Variants in LRCH3 observed in about 807,000 individuals in gnomAD.
The protein encoded by LRCH3 is DISP complex protein LRCH3.
A neutral mutation model predicts 104.5 loss-of-function variants in LRCH3; 68 were observed. That is an observed-to-expected ratio of 0.65 (90% CI 0.54 to 0.80). The LOEUF (loss-of-function observed/expected upper bound fraction) is 0.80. LRCH3 is among the 30% of genes least tolerant of loss of function. The probability of loss-of-function intolerance (pLI) is 0.00; values close to 1 mark genes in which losing one functional copy is unlikely to be tolerated. For missense variants in LRCH3, 951 were observed against 953.9 expected (o/e 1.00, Z 0.04); for synonymous variants, 344 against 361.3 (o/e 0.95, Z 0.54).
At chr3:197,858,989 C>G in intron 15 of LRCH3, 84 bp downstream of exon 15, 2 of 946,540 alleles carry the variant, frequency 2.1e-6, no homozygotes, top group Non-Finnish European at 3.5e-6. Flanking sequence ...ATTGATCTAA[C>G]AATCTGAAAT....
At chr3:197,872,732 G>A (rs1025024671) in intron 19 of LRCH3, among the ~76,000 whole-genome samples, 1 of 152,108 alleles carries the variant, frequency 6.6e-6, no homozygotes, top group East Asian at 1.9e-4. Flanking sequence ...TCATACATCT[G>A]TAATCCCAGC....
chr3:197,821,842 T>G (rs1229297335), intron 4 of LRCH3, among the ~76,000 whole-genome samples: 7 of 152,084 alleles, frequency 4.6e-5, no homozygotes, highest in Non-Finnish European at 8.8e-5. Flanking sequence ...GTCACCTACT[T>G]TTTGTATTTT....
Position 197,883,371 on chromosome 3 carries a change from A to T in LRCH3, c.2209-170A>T. 3 of 1,397,968 alleles carry T rather than the reference A, an allele frequency of 2.1e-6. No individual in the cohort carries two copies. The highest frequency in any genetic ancestry group is 2.8e-6 in the Non-Finnish European group (3 of 1,076,508). 86.6% of individuals were successfully genotyped at this position (1,397,968 alleles called of 1,614,324 possible). ...TTAATAAAGTGACAGTGAGTGTCAGACACCATCTCTCTAACTCATATTTAC... is the reference window on the plus strand; with the variant it reads ...TTAATAAAGTGACAGTGAGTGTCAGTCACCATCTCTCTAACTCATATTTAC... On this transcript the variant is annotated intron_variant, in intron 20 of 20. Coordinates refer to ENST00000425562, the MANE Select transcript of LRCH3 (RefSeq NM_001365715.1). This position sits in a 1 kb window ranked among gnomAD's most constrained non-coding sequence, Gnocchi z 4.2.
intron 18 of LRCH3, among the ~76,000 whole-genome samples, chr3:197,870,515 A>G (rs938713550): frequency 3.9e-5 from 6 of 152,046 alleles, no homozygotes; most frequent in African/African-American, 1.4e-4. Context: ...ACAGGCGCCC[A>G]TCACTGCACC....
At chr3:197,857,372 C>T (rs1217562124) in intron 14 of LRCH3, among the ~76,000 whole-genome samples, 3 of 151,830 alleles carry the variant, frequency 2.0e-5, no homozygotes, top group Admixed American at 2.0e-4. Context: ...CTTCGGGCTA[C>T]CCCTCAAGCT....
At chr3:197,867,838 G>A (rs1409538288) in intron 17 of LRCH3, among the ~76,000 whole-genome samples, 1 of 152,044 alleles carries the variant, frequency 6.6e-6, no homozygotes, top group African/African-American at 2.4e-5. Context: ...CTGGGTGACA[G>A]AGCGAGACTC....
intron 12 of LRCH3, chr3:197,850,845 TTGG>T: frequency 9.8e-7 from 1 of 1,023,990 alleles, no homozygotes. Flanking sequence ...ATGCATACCC[TTGG>T]TGGCCTGAGC....
At chr3:197,859,591 T>C (rs986126552) in intron 15 of LRCH3, among the ~76,000 whole-genome samples, 45 of 152,326 alleles carry the variant, frequency 3.0e-4, no homozygotes, top group African/African-American at 1.1e-3. Context: ...ATTTTATTTT[T>C]TGAAGGCCTC....
chr3:197,872,833 C>T (rs1300759757), intron 19 of LRCH3, among the ~76,000 whole-genome samples: 1 of 151,842 alleles, frequency 6.6e-6, no homozygotes, highest in Non-Finnish European at 1.5e-5. Context: ...CCAGCCTGGG[C>T]AAGACAGAGC....
Position 197,820,238 on chromosome 3 carries a change from C to T in LRCH3, c.535-87C>T, listed in dbSNP as rs775643877. 298 of 948,710 alleles carry T rather than the reference C, an allele frequency of 3.1e-4. 3 individuals are homozygous for T. Among genetic ancestry groups the T allele is most frequent in the Non-Finnish European group, 6.0e-5 (36 of 595,202 alleles). The allele number at this position is 948,710 out of a possible 1,614,324, so 58.8% of individuals were successfully genotyped here. On this transcript the variant is annotated intron_variant, in intron 3 of 20. Coordinates refer to ENST00000425562, the MANE Select transcript of LRCH3 (RefSeq NM_001365715.1). ...TATTAAGTGAGATACCAGAAGGTCT[C>T]CCAAACATATCTAATTTTATAGACA...
intron 12 of LRCH3, 197 bp downstream of exon 12, chr3:197,848,218 A>C (rs1739047419): frequency 1.8e-6 from 1 of 553,950 alleles, no homozygotes; most frequent in Non-Finnish European, 3.2e-6. Flanking sequence ...TGTTAACGGT[A>C]AATCTGTCAT....
In LRCH3 at chr3:197,866,124, C is replaced by G; in HGVS notation, c.1778C>G (p.Pro593Arg). The change falls in exon 17 of 21, where the codon CCT becomes CGT. Residue 593 changes from proline to arginine, a missense_variant. Coordinates refer to ENST00000425562, the MANE Select transcript of LRCH3 (RefSeq NM_001365715.1). ...CATGCTAATTTAGTTCATCATTCCC[C>G]TGCATATTCTTTTCCTGCTGCTATC... ...SPATETVHHS[P>R]AYSFPAAIQR... 6.2e-7 allele frequency: 1 copy of G among 1,612,564 alleles called. No individual in the cohort carries two copies. Among genetic ancestry groups the G allele is most frequent in the Non-Finnish European group, 8.5e-7 (1 of 1,178,666 alleles).
chr3:197,870,998 C>T (rs1201468858), intron 18 of LRCH3, among the ~76,000 whole-genome samples: 1 of 151,822 alleles, frequency 6.6e-6, no homozygotes, highest in Non-Finnish European at 1.5e-5. Flanking sequence ...TATGTGTGTG[C>T]ACACATATAT....
chr3:197,853,276 G>A (rs976289858), intron 13 of LRCH3, among the ~76,000 whole-genome samples: 2 of 151,748 alleles, frequency 1.3e-5, no homozygotes, highest in Admixed American at 6.6e-5. Context: ...TGCAACCTCC[G>A]ACTCCCGGGT....
chr3:197,833,153 C>G (rs1392159915), intron 8 of LRCH3, among the ~76,000 whole-genome samples: 1 of 151,966 alleles, frequency 6.6e-6, no homozygotes, highest in Non-Finnish European at 1.5e-5. Flanking sequence ...TTATTTAAGA[C>G]TTAAAATAAT....
intron 8 of LRCH3, among the ~76,000 whole-genome samples, chr3:197,834,768 A>G (rs1432924032): frequency 6.6e-6 from 1 of 152,232 alleles, no homozygotes; most frequent in African/African-American, 2.4e-5. Flanking sequence ...TTCAATAATT[A>G]TCATCAATTG....
intron 4 of LRCH3, among the ~76,000 whole-genome samples, chr3:197,820,715 GGGA>G (rs908798418): frequency 6.6e-6 from 1 of 152,168 alleles, no homozygotes; most frequent in African/African-American, 2.4e-5. Flanking sequence ...AAGCTGAGGT[GGGA>G]GGAGTCCCTG....
intron 1 of LRCH3, among the ~76,000 whole-genome samples, chr3:197,792,604 T>TATATATATATATATATATATAA (rs1553912025): frequency 4.4e-4 from 26 of 58,512 alleles, no homozygotes; most frequent in Non-Finnish European, 6.9e-4. Context: ...TATATATATA[T>TATATATATATATATATATATAA]AAAATATACA....
rs182381375 is a variant in LRCH3 at position 197,822,305 on chromosome 3, A to G, written c.640+1875A>G. On this transcript the variant is annotated intron_variant, in intron 4 of 20. Transcript: ENST00000425562. The stretch of plus-strand genomic sequence containing the variant: ...TAGCAAAACCAAAATCATGACCTCT[A>G]GGACCTTATAACCCCAAATTTCTCC... Among the ~76,000 whole-genome samples the G allele has an allele frequency of 2.4e-3, 366 of 152,280 alleles. 2 individuals carry two copies. Among genetic ancestry groups the G allele is most frequent in the African/African-American group, 8.1e-3 (337 of 41,554 alleles).
Sources: allele counts gnomAD v4.1 joint callset (sites outside exome capture counted in the v4.1 genomes callset), GRCh38; gene constraint gnomAD v4.1.1; non-coding constraint Gnocchi (gnomAD v3.1); transcripts MANE v1.5; gene names NCBI Gene and HGNC (gene_info 2026-07-23, HGNC 2026-07-21).